Variants in NYAP2 observed in about 807,000 individuals in gnomAD.
The protein encoded by NYAP2 is neuronal tyrosine-phosphorylated phosphoinositide-3-kinase adapter 2.
In NYAP2, 23 loss-of-function variants were observed where a neutral mutation model predicts 50.4. The ratio of observed to expected loss-of-function variants is 0.46; its 90% confidence interval spans 0.33 to 0.65. NYAP2 has a LOEUF of 0.65. NYAP2 is among the 30% of genes least tolerant of loss of function. NYAP2 has a pLI of 0.02. For synonymous variants in NYAP2, 394 were observed against 365.2 expected (o/e 1.08, Z -0.90); for missense variants, 885 against 861.0 (o/e 1.03, Z -0.35).
intron 4 of NYAP2, among the ~76,000 whole-genome samples, chr2:225,527,514 T>C (rs968331706): frequency 1.3e-5 from 2 of 152,326 alleles, no homozygotes; most frequent in Non-Finnish European, 2.9e-5. Context: ...TATGCTGTTA[T>C]AGAACATGCA....
At chr2:225,454,065 TG>T (rs1176886498) in intron 3 of NYAP2, among the ~76,000 whole-genome samples, 2 of 152,138 alleles carry the variant, frequency 1.3e-5, no homozygotes, top group African/African-American at 4.8e-5. Context: ...TGCCTATGTT[TG>T]TAATTCCAAC....
the NYAP2 span, among the ~76,000 whole-genome samples, chr2:225,685,278 A>G: frequency 6.6e-6 from 1 of 152,226 alleles, no homozygotes; most frequent in East Asian, 1.9e-4. Context: ...GCCCATATAT[A>G]CTATTAAAAA....
chr2:225,644,190 A>G (rs1693586309), intron 6 of NYAP2, among the ~76,000 whole-genome samples: 1 of 152,220 alleles, frequency 6.6e-6, no homozygotes, highest in Non-Finnish European at 1.5e-5. Flanking sequence ...TCTGATGGCC[A>G]GTGATGCTGA....
intron 3 of NYAP2, among the ~76,000 whole-genome samples, chr2:225,477,997 G>T (rs1690146619): frequency 6.6e-6 from 1 of 152,186 alleles, no homozygotes; most frequent in African/African-American, 2.4e-5. Context: ...AGGTTGATGA[G>T]ATGTTAGGTC....
At chr2:225,459,935 G>A (rs979032198) in intron 3 of NYAP2, among the ~76,000 whole-genome samples, 1 of 152,118 alleles carries the variant, frequency 6.6e-6, no homozygotes, top group African/African-American at 2.4e-5. Context: ...GCCTCCCAAA[G>A]TTCTGGGATT....
the NYAP2 span, among the ~76,000 whole-genome samples, chr2:225,663,545 A>T: frequency 6.6e-6 from 1 of 151,526 alleles, no homozygotes; most frequent in Non-Finnish European, 1.5e-5. Context: ...CACCCACCAC[A>T]GTTCTTTCTC....
chr2:225,509,798 A>G (rs1030317604), intron 3 of NYAP2, among the ~76,000 whole-genome samples: 3 of 152,206 alleles, frequency 2.0e-5, no homozygotes, highest in African/African-American at 7.2e-5. Flanking sequence ...TCCTCATGGC[A>G]AGTGCTCTCT....
chr2:225,404,000 T>C (rs940891354), intron 2 of NYAP2, among the ~76,000 whole-genome samples: 19 of 152,084 alleles, frequency 1.2e-4, no homozygotes, highest in Middle Eastern at 3.4e-3. Context: ...GCCTAATATT[T>C]ATCTGACTCT....
chr2:225,422,218 G>A (rs542863941), intron 3 of NYAP2, among the ~76,000 whole-genome samples: 8 of 152,240 alleles, frequency 5.3e-5, no homozygotes, highest in East Asian at 1.9e-4. Context: ...AAGAGAGATC[G>A]GGAAGGGGGA....
At chr2:225,505,662 A>G (rs189022895) in intron 3 of NYAP2, among the ~76,000 whole-genome samples, 5 of 152,316 alleles carry the variant, frequency 3.3e-5, no homozygotes, top group African/African-American at 1.2e-4. Flanking sequence ...GTCAGCCAAT[A>G]ACTCTTATTT....
At chr2:225,507,492 A>G (rs1316601869) in intron 3 of NYAP2, among the ~76,000 whole-genome samples, 2 of 152,226 alleles carry the variant, frequency 1.3e-5, no homozygotes, top group Non-Finnish European at 2.9e-5. Flanking sequence ...ACTTTTCTTT[A>G]TCGGTCCTAA....
intron 3 of NYAP2, among the ~76,000 whole-genome samples, chr2:225,497,600 G>A (rs970957965): frequency 6.6e-6 from 1 of 152,156 alleles, no homozygotes; most frequent in Non-Finnish European, 1.5e-5. Context: ...CCTGACCTGG[G>A]TTTATATGTG....
chr2:225,689,252 A>T, the NYAP2 span, among the ~76,000 whole-genome samples: 1 of 152,160 alleles, frequency 6.6e-6, no homozygotes, highest in Non-Finnish European at 1.5e-5. Flanking sequence ...AGGCAGAGAA[A>T]ATGAGCAATA....
At chr2:225,655,355 T>G (rs1476388161), downstream of NYAP2, among the ~76,000 whole-genome samples, 1 of 152,192 alleles carries the variant, frequency 6.6e-6, no homozygotes, top group Non-Finnish European at 1.5e-5. Flanking sequence ...ATGGGGCAAT[T>G]ATAGACATTT....
chr2:225,420,522 A>T (rs1223515227), intron 3 of NYAP2, among the ~76,000 whole-genome samples: 1 of 152,134 alleles, frequency 6.6e-6, no homozygotes, highest in Non-Finnish European at 1.5e-5. Flanking sequence ...TATTGGTTTG[A>T]GGATGTGAGT....
At chr2:225,416,083 A>G (rs1299112280) in intron 3 of NYAP2, among the ~76,000 whole-genome samples, 1 of 152,226 alleles carries the variant, frequency 6.6e-6, no homozygotes, top group African/African-American at 2.4e-5. Context: ...CAGTATCTTA[A>G]TAACCCTCTC....
chr2:225,574,375 C>G (rs1278814832), intron 4 of NYAP2, among the ~76,000 whole-genome samples: 1 of 152,110 alleles, frequency 6.6e-6, no homozygotes, highest in African/African-American at 2.4e-5. Flanking sequence ...TCCAGTTCTC[C>G]CTACTCTGAG....
chr2:225,478,271 G>A (rs1487890202), intron 3 of NYAP2, among the ~76,000 whole-genome samples: 1 of 152,124 alleles, frequency 6.6e-6, no homozygotes, highest in African/African-American at 2.4e-5. Context: ...AAGAGTCGGG[G>A]ATGCTGAGCC....
At chr2:225,526,843 A>G (rs1270210285) in intron 4 of NYAP2, among the ~76,000 whole-genome samples, 2 of 152,192 alleles carry the variant, frequency 1.3e-5, no homozygotes, top group African/African-American at 2.4e-5. Context: ...GAAAGGATGT[A>G]GGAGATTATA....
Sources: allele counts gnomAD v4.1 joint callset (sites outside exome capture counted in the v4.1 genomes callset), GRCh38; gene constraint gnomAD v4.1.1; transcripts MANE v1.5; gene names NCBI Gene and HGNC (gene_info 2026-07-23, HGNC 2026-07-21).